Variants in ZFP1 observed in about 807,000 individuals in gnomAD.
The protein encoded by ZFP1 is ZFP1 zinc finger protein.
In ZFP1, 32 loss-of-function variants were observed where a neutral mutation model predicts 38.5. The observed-to-expected ratio is 0.83, with a 90% confidence interval of 0.63 to 1.12. The LOEUF (loss-of-function observed/expected upper bound fraction) is 1.12. Among genes scored for constraint, ZFP1 ranks in the 50% most tolerant of loss-of-function variants. The pLI, the probability that ZFP1 is intolerant of heterozygous loss-of-function variation, is 0.00. For synonymous variants in ZFP1, 245 were observed against 168.8 expected (o/e 1.45, Z -3.50); for missense variants, 616 against 480.8 (o/e 1.28, Z -2.63).
the ZFP1 span, among the ~76,000 whole-genome samples, chr16:75,136,602 C>T: frequency 6.6e-6 from 1 of 152,104 alleles, no homozygotes; most frequent in Non-Finnish European, 1.5e-5. Context: ...GGCATGGTGG[C>T]TCAAGCTTGT....
upstream of ZFP1, among the ~76,000 whole-genome samples, chr16:75,144,854 A>G (rs1460662993): frequency 1.3e-5 from 2 of 152,084 alleles, no homozygotes; most frequent in Non-Finnish European, 2.9e-5. Flanking sequence ...TTTAAGAAAC[A>G]GAGTCTCATT....
At position 75,169,196 on chromosome 16, in the gene ZFP1, G is replaced by T. The variant is rs947286735; in HGVS notation, c.143-57G>T. The T allele has an allele frequency of 7.2e-6, 11 of 1,521,108 alleles. No homozygotes were observed. The African/African-American group carries it at 1.4e-4, about 19-fold the overall frequency. 94.2% of individuals were successfully genotyped at this position (1,521,108 alleles called of 1,614,324 possible). ...AACACGTGTGAAGACTTCCCATTCG[G>T]TAACATTATAGCGGAGGCATTGACA... On this transcript the variant is annotated intron_variant, in intron 3 of 3. Coordinates refer to ENST00000570010, the MANE Select transcript of ZFP1 (RefSeq NM_153688.4).
chr16:75,170,001 G>A lies in ZFP1; in HGVS notation c.891G>A (p.Glu297=). ...TTCATACAGGAGAGCGACCCTATGAGTGTAACGAATGTGCAAAAACCTTCT... is the reference window on the plus strand; with the variant it reads ...TTCATACAGGAGAGCGACCCTATGAATGTAACGAATGTGCAAAAACCTTCT... ...QRIHTGERPY[E]CNECAKTFFK... is the part of the protein sequence containing the mutation. Residue 297 remains glutamate, a synonymous_variant, in exon 4 of 4, where the codon GAG becomes GAA. Transcript: ENST00000570010. 1 of 1,614,138 alleles carries A rather than the reference G, an allele frequency of 6.2e-7. No individual in the cohort carries two copies. The highest frequency in any genetic ancestry group is 1.1e-5 in the South Asian group (1 of 91,078).
In ZFP1 at chr16:75,170,077, C is replaced by A. The variant is rs775553715; in HGVS notation, c.967C>A (p.Arg323Ser). 1.2e-6 allele frequency: 2 copies of A among 1,614,100 alleles called. No homozygotes were observed. The highest frequency in any genetic ancestry group is 1.7e-6 in the Non-Finnish European group (2 of 1,180,010). The change falls in exon 4 of 4, where the codon CGC (arginine) becomes AGC (serine). Residue 323 changes from arginine to serine, a missense_variant. Arg to Ser is a moderately radical substitution (Grantham distance 110, BLOSUM62 -1). Transcript: ENST00000570010. Reference sequence around the variant, plus strand: ...TCAGAAGATTCACACGGGGGAGAAACGCTATGAGTGCAGTGAATGTGGAAA... The same window carrying A: ...TCAGAAGATTCACACGGGGGAGAAAAGCTATGAGTGCAGTGAATGTGGAAA... ...IHQKIHTGEK[R>S]YECSECGKSF...
At chr16:75,167,848 G>A (rs2038182341) in intron 3 of ZFP1, among the ~76,000 whole-genome samples, 1 of 152,080 alleles carries the variant, frequency 6.6e-6, no homozygotes, top group African/African-American at 2.4e-5. Flanking sequence ...TATAATCCTA[G>A]CATTTTGGGA....
At chr16:75,125,463 C>T in the ZFP1 span, among the ~76,000 whole-genome samples, 2 of 152,028 alleles carry the variant, frequency 1.3e-5, no homozygotes, top group African/African-American at 4.8e-5. Context: ...ACTAGGATTA[C>T]AGGCATGCAC....
At chr16:75,138,364 CAG>C in the ZFP1 span, among the ~76,000 whole-genome samples, 1 of 152,082 alleles carries the variant, frequency 6.6e-6, no homozygotes, top group Non-Finnish European at 1.5e-5. Flanking sequence ...GTGGACTGTG[CAG>C]AGTGACTTCC....
chr16:75,125,725 A>G, the ZFP1 span, among the ~76,000 whole-genome samples: 1 of 152,124 alleles, frequency 6.6e-6, no homozygotes, highest in Non-Finnish European at 1.5e-5. Context: ...AGGGCTTATC[A>G]TTTAAATCTC....
At chr16:75,135,053 T>A in the ZFP1 span, among the ~76,000 whole-genome samples, 340 of 132,094 alleles carry the variant, frequency 2.6e-3, 2 homozygotes, top group African/African-American at 9.7e-3. Flanking sequence ...AAACTCCATC[T>A]CAAAAAAAAA....
the ZFP1 span, among the ~76,000 whole-genome samples, chr16:75,130,677 C>G: frequency 3.3e-5 from 5 of 152,202 alleles, no homozygotes; most frequent in South Asian, 2.1e-4. Flanking sequence ...AACAGTGTAA[C>G]TGCCTGACCA....
chr16:75,153,778 G>A (rs2037330718), intron 2 of ZFP1, among the ~76,000 whole-genome samples: 1 of 152,146 alleles, frequency 6.6e-6, no homozygotes, highest in African/African-American at 2.4e-5. Flanking sequence ...ATAATGACAT[G>A]TATCCATCAC....
chr16:75,143,101 A>G, the ZFP1 span, among the ~76,000 whole-genome samples: 3 of 152,354 alleles, frequency 2.0e-5, no homozygotes, highest in African/African-American at 7.2e-5. Context: ...AATCCAGACC[A>G]TATAGAATTT....
chr16:75,146,466 C>T (rs1259441122), upstream of ZFP1, among the ~76,000 whole-genome samples: 2 of 152,126 alleles, frequency 1.3e-5, no homozygotes, highest in Admixed American at 6.6e-5. Flanking sequence ...TGCACCCGGC[C>T]GCAACCATAC....
At chr16:75,134,142 T>A in the ZFP1 span, among the ~76,000 whole-genome samples, 1 of 152,192 alleles carries the variant, frequency 6.6e-6, no homozygotes, top group Non-Finnish European at 1.5e-5. Context: ...TCTTTCAAGA[T>A]GATGAGAATA....
At chr16:75,161,933 C>T (rs1303413512) in intron 2 of ZFP1, among the ~76,000 whole-genome samples, 9 of 149,322 alleles carry the variant, frequency 6.0e-5, no homozygotes, top group South Asian at 4.3e-4. Context: ...TACAGGCGCC[C>T]GCTACTGTGC....
intron 1 of ZFP1, among the ~76,000 whole-genome samples, chr16:75,152,185 GTTTGAGTTTAGTT>G (rs1436664646): frequency 4.6e-5 from 7 of 152,068 alleles, no homozygotes; most frequent in African/African-American, 1.7e-4. Context: ...GTGTGTTTTT[GTTTGAGTTTAGTT>G]TTTGGTATTT....
At chr16:75,139,368 CAAAAAAAAAAAA>C in the ZFP1 span, among the ~76,000 whole-genome samples, 67 of 42,776 alleles carry the variant, frequency 1.6e-3, no homozygotes, top group Admixed American at 5.1e-3. Flanking sequence ...GACTCCATCT[CAAAAAAAAAAAA>C]AAAAAAAAAA....
At chr16:75,163,757 G>A (rs1230135606) in intron 2 of ZFP1, among the ~76,000 whole-genome samples, 2 of 151,834 alleles carry the variant, frequency 1.3e-5, no homozygotes, top group Non-Finnish European at 2.9e-5. Flanking sequence ...GACTACAGGT[G>A]TGCACCACCA....
At chr16:75,133,279 A>G in the ZFP1 span, among the ~76,000 whole-genome samples, 3 of 151,988 alleles carry the variant, frequency 2.0e-5, no homozygotes, top group Admixed American at 1.3e-4. Flanking sequence ...CCTGGCCTTT[A>G]ACTTTTATTT....
Sources: allele counts gnomAD v4.1 joint callset (sites outside exome capture counted in the v4.1 genomes callset), GRCh38; gene constraint gnomAD v4.1.1; transcripts MANE v1.5; gene names NCBI Gene and HGNC (gene_info 2026-07-23, HGNC 2026-07-21).